Variants in SULT1E1 observed in about 807,000 individuals in gnomAD.
SULT1E1 encodes sulfotransferase family 1E member 1, also known as sulfotransferase 1E1.
In SULT1E1, 36 loss-of-function variants were observed where a neutral mutation model predicts 33.6. The ratio of observed to expected loss-of-function variants is 1.07; its 90% CI spans 0.82 to 1.41. The LOEUF is 1.41. Among genes scored for constraint, SULT1E1 ranks in the 40% most tolerant of loss-of-function variants. The pLI is 0.00. For synonymous variants in SULT1E1, 121 were observed against 111.7 expected, an observed-to-expected ratio of 1.08 and a Z score of -0.53; for missense variants, 371 against 345.7, an observed-to-expected ratio of 1.07 and a Z score of -0.58.
chr4:69,829,586 G>GTTACATTACA, the SULT1E1 span, among the ~76,000 whole-genome samples: 1 of 152,180 alleles, frequency 6.6e-6, no homozygotes, highest in Non-Finnish European at 1.5e-5. Context: ...GGTGAGCTAG[G>GTTACATTACA]TTTAAAGTTA....
intron 1 of SULT1E1, among the ~76,000 whole-genome samples, chr4:69,859,593 C>A (rs1464956114): frequency 1.3e-5 from 2 of 152,094 alleles, no homozygotes; most frequent in Non-Finnish European, 2.9e-5. Flanking sequence ...CAATGACCTA[C>A]ATATTAATTA....
chr4:69,832,104 T>A, the SULT1E1 span, among the ~76,000 whole-genome samples: 8 of 152,286 alleles, frequency 5.3e-5, no homozygotes, highest in South Asian at 1.7e-3. Context: ...TCCTCTTCTG[T>A]CCTTACGGGA....
rs11573785 is a variant in SULT1E1 at position 69,845,415 on chromosome 4, C to T, written c.592-1074G>A. The stretch of plus-strand genomic sequence containing the variant: ...ATGTCATGTACCCCATAAATATATA[C>T]ACCTACTATGTACCCATAAAAATTA... On this transcript the variant is annotated intron_variant, in intron 6 of 7. Transcript: ENST00000226444. 2.0e-4 allele frequency among the ~76,000 whole-genome samples: 30 copies of T among 151,462 alleles called. No individual in the cohort carries two copies. The East Asian group carries it at 5.2e-3, about 26-fold the overall frequency.
the SULT1E1 span, among the ~76,000 whole-genome samples, chr4:69,824,872 AC>A: frequency 1.3e-5 from 2 of 152,102 alleles, no homozygotes; most frequent in African/African-American, 4.8e-5. Context: ...AGCAGTGGCA[AC>A]CCGCTGAGGT....
the SULT1E1 span, among the ~76,000 whole-genome samples, chr4:69,828,196 A>T: frequency 2.0e-5 from 3 of 152,228 alleles, no homozygotes; most frequent in Non-Finnish European, 4.4e-5. Context: ...ACCGTCCTCA[A>T]TAAGGGAATA....
rs750169827 is a variant in SULT1E1, at chr4:69,842,069, G to A, written c.810C>T (p.Ala270=). The change falls in exon 8 of 8, where the codon GCC becomes GCT. Residue 270 remains alanine, a synonymous_variant. Coordinates refer to ENST00000226444, the MANE Select transcript of SULT1E1 (RefSeq NM_005420.3). The part of the protein sequence containing the change: ...TGDWKNHFTV[A]LNEKFDKHYE... ...AATGTTTATCAAATTTTTCATTCAG[G>A]GCTACTGTAAAGTGATTTTTCCAGT... 42 of 1,610,606 alleles carry A rather than the reference G, an allele frequency of 2.6e-5. No homozygotes were observed. The highest frequency in any genetic ancestry group is 3.5e-5 in the Non-Finnish European group (41 of 1,178,748).
chr4:69,847,651 A>G, intron 6 of SULT1E1, 47 bp downstream of exon 6: 2 of 1,231,972 alleles, frequency 1.6e-6, no homozygotes, highest in Non-Finnish European at 2.3e-6. Flanking sequence ...TTCAAATGCT[A>G]ACATCTTAGA....
intron 1 of SULT1E1, among the ~76,000 whole-genome samples, 177 bp from the exon 2 acceptor site, chr4:69,857,830 C>A (rs1721277582): frequency 6.6e-6 from 1 of 152,124 alleles, no homozygotes; most frequent in African/African-American, 2.4e-5. Context: ...GAGTTTTTAA[C>A]CTTATTAGAA....
At position 69,857,673 on chromosome 4, in the gene SULT1E1, T is replaced by A. The variant is rs11569706; in HGVS notation, c.-9-20A>T. 4,874 of 1,564,778 alleles carry A rather than the reference T, an allele frequency of 3.1e-3. 144 individuals are homozygous for A. In the African/African-American group the frequency reaches 0.059, roughly 19 times the overall value. On this transcript the variant is annotated intron_variant, in intron 1 of 7. Coordinates refer to ENST00000226444, the MANE Select transcript of SULT1E1 (RefSeq NM_005420.3). ...GGTACACTGAAAAAAAACCTCTGCT[T>A]TATACTTTGTATGTACTTAACAATA...
At chr4:69,832,198 G>T in the SULT1E1 span, among the ~76,000 whole-genome samples, 3 of 152,150 alleles carry the variant, frequency 2.0e-5, no homozygotes, top group African/African-American at 7.2e-5. Context: ...TCCAGGTTCT[G>T]TTGCACTGTT....
intron 4 of SULT1E1, among the ~76,000 whole-genome samples, chr4:69,853,638 A>G (rs1245112822): frequency 6.6e-6 from 1 of 152,084 alleles, no homozygotes; most frequent in Non-Finnish European, 1.5e-5. Context: ...TTGTCTGTTA[A>G]CCTGTCCTTT....
chr4:69,846,767 T>C (rs1720985508), intron 6 of SULT1E1, among the ~76,000 whole-genome samples: 1 of 151,734 alleles, frequency 6.6e-6, no homozygotes, highest in South Asian at 2.1e-4. Flanking sequence ...CATTCTAATA[T>C]TTGTTATTGT....
At chr4:69,831,035 CCTAA>C in the SULT1E1 span, among the ~76,000 whole-genome samples, 1 of 152,190 alleles carries the variant, frequency 6.6e-6, no homozygotes, top group African/African-American at 2.4e-5. Context: ...GGCTTTCCGC[CCTAA>C]CTTTCTGTAG....
At chr4:69,854,721 A>G (rs1018140308) in intron 3 of SULT1E1, among the ~76,000 whole-genome samples, 2 of 152,038 alleles carry the variant, frequency 1.3e-5, no homozygotes, top group African/African-American at 4.8e-5. Flanking sequence ...AACCTTCTAT[A>G]CAAATCTACT....
intron 4 of SULT1E1, among the ~76,000 whole-genome samples, chr4:69,853,470 T>C (rs1448782583): frequency 6.6e-6 from 1 of 152,194 alleles, no homozygotes; most frequent in Non-Finnish European, 1.5e-5. Context: ...CCAGCCAAGC[T>C]GAACTGATTT....
the SULT1E1 span, among the ~76,000 whole-genome samples, chr4:69,834,396 G>A: frequency 8.5e-5 from 13 of 152,228 alleles, no homozygotes; most frequent in East Asian, 9.6e-4. Context: ...CTATAACCTT[G>A]TCTTCTCTCA....
At chr4:69,837,119 T>C (rs1255647865), downstream of SULT1E1, among the ~76,000 whole-genome samples, 1 of 151,946 alleles carries the variant, frequency 6.6e-6, no homozygotes, top group African/African-American at 2.4e-5. Flanking sequence ...AGGGGTTAGA[T>C]AGATGCAGAA....
At position 69,847,800 on chromosome 4, in the gene SULT1E1, T is replaced by C. The variant is rs367649903; in HGVS notation, c.497-8A>G. 9 of 1,589,684 alleles carry C rather than the reference T, an allele frequency of 5.7e-6. No individual in the cohort carries two copies. The highest frequency in any genetic ancestry group is 7.8e-6 in the Non-Finnish European group (9 of 1,160,672). On this transcript the variant is annotated splice_polypyrimidine_tract_variant and splice_region_variant and intron_variant, in intron 5 of 7. Transcript: ENST00000226444. ...ACCAGGAACCATAAGGAACTAAAATTAGAGAGAAAAACAGTGTAAAAGTGG... is the reference window on the plus strand; with the variant it reads ...ACCAGGAACCATAAGGAACTAAAATCAGAGAGAAAAACAGTGTAAAAGTGG...
downstream of SULT1E1, among the ~76,000 whole-genome samples, chr4:69,840,745 G>A (rs993443075): frequency 6.6e-6 from 1 of 152,072 alleles, no homozygotes; most frequent in African/African-American, 2.4e-5. Flanking sequence ...AACTCATTTT[G>A]TTGAAAGTAA....
Sources: gnomAD v4.1 joint callset for allele counts (sites outside exome capture counted in the v4.1 genomes callset) on GRCh38, gnomAD v4.1.1 for gene constraint, MANE v1.5 for transcripts, NCBI Gene and HGNC (gene_info 2026-07-23, HGNC 2026-07-21) for gene names.